CSMD1: variants seen among roughly 807,000 people sequenced by gnomAD.
The protein encoded by CSMD1 is CUB and sushi domain-containing protein 1.
A neutral mutation model predicts 417.5 loss-of-function variants in CSMD1; 213 were observed. The ratio of observed to expected loss-of-function variants is 0.51; its 90% confidence interval spans 0.46 to 0.57. The LOEUF (loss-of-function observed/expected upper bound fraction) is 0.57. Among genes scored for constraint, CSMD1 ranks in the 20% least tolerant of loss-of-function variants. The pLI is 0.00. For missense variants in CSMD1, 6,923 were observed against 4,529.7 expected (o/e 1.53, Z -15.17); for synonymous variants, 2,862 against 1,736.8 (o/e 1.65, Z -16.11).
At chr8:3,103,116 AAAAGTT>A (rs921993940) in intron 46 of CSMD1, among the ~76,000 whole-genome samples, 1 of 152,206 alleles carries the variant, frequency 6.6e-6, no homozygotes, top group African/African-American at 2.4e-5. Context: ...GTAGATTTTA[AAAAGTT>A]AATCACTTAT....
chr8:3,532,902 A>G (rs1018912320), intron 10 of CSMD1, among the ~76,000 whole-genome samples: 3 of 152,340 alleles, frequency 2.0e-5, no homozygotes, highest in South Asian at 2.1e-4. Flanking sequence ...ATAGTAAATC[A>G]TTACTAAATA....
chr8:4,321,779 C>T (rs550097533), intron 3 of CSMD1, among the ~76,000 whole-genome samples: 1 of 152,184 alleles, frequency 6.6e-6, no homozygotes, highest in South Asian at 2.1e-4. Context: ...TGAAAATTTA[C>T]AATTTTTTTT....
chr8:4,266,463 G>C lies in CSMD1; in HGVS notation c.415+153490C>G, dbSNP rs1368529530. ...GGTTATATTGATGATTGGTTAGATA[G>C]AAGCCAAGGATAAAATTTATAACTC... is the stretch of plus-strand genomic sequence containing the variant. On this transcript the variant is annotated intron_variant, in intron 3 of 69. Transcript: ENST00000635120. 8.6e-5 allele frequency among the ~76,000 whole-genome samples: 9 copies of C among 104,268 alleles called. 2 individuals are homozygous for C. The highest frequency in any genetic ancestry group is 2.4e-4 in the African/African-American group (9 of 38,174). 68.4% of individuals were successfully genotyped at this position (104,268 alleles called of 152,430 possible). A position where few individuals can be genotyped will look rare whatever the true frequency, so the allele number is the denominator to read the frequency against.
At chr8:3,112,037 G>A (rs1324368375) in intron 42 of CSMD1, among the ~76,000 whole-genome samples, 5 of 151,640 alleles carry the variant, frequency 3.3e-5, no homozygotes, top group African/African-American at 1.2e-4. Flanking sequence ...TTTCCTGCTT[G>A]CTCCGGCTCT....
Position 4,314,516 on chromosome 8 carries a change from C to T in CSMD1, c.415+105437G>A, listed in dbSNP as rs533477626. ...CTAAGCAGTCTGGACTTTGCTAATG[C>T]CTTGGGATTTCTCCCGAAATACTAA... On this transcript the variant is annotated intron_variant, in intron 3 of 69. Transcript: ENST00000635120. Among the ~76,000 whole-genome samples the T allele has an allele frequency of 1.2e-4, 18 of 152,214 alleles. No individual in the cohort carries two copies. In the South Asian group the frequency reaches 3.7e-3, roughly 32 times the overall value.
chr8:3,611,659 G>T (rs184336345), intron 8 of CSMD1, among the ~76,000 whole-genome samples: 1 of 152,182 alleles, frequency 6.6e-6, no homozygotes, highest in East Asian at 1.9e-4. Flanking sequence ...ATCATCATGA[G>T]TTTGACAGTT....
intron 3 of CSMD1, among the ~76,000 whole-genome samples, chr8:4,074,533 A>G (rs1799722956): frequency 6.6e-6 from 1 of 152,138 alleles, no homozygotes; most frequent in African/African-American, 2.4e-5. Flanking sequence ...TGAGAACATG[A>G]GCTACCATAA....
At chr8:3,973,399 C>G (rs1011946468) in intron 5 of CSMD1, among the ~76,000 whole-genome samples, 15 of 152,186 alleles carry the variant, frequency 9.9e-5, no homozygotes, top group African/African-American at 3.4e-4. Context: ...CTGTTGTCAC[C>G]TGTCACACCC....
At position 3,452,657 on chromosome 8, in the gene CSMD1, G is replaced by C. The variant is rs923891701; in HGVS notation, c.1561+16055C>G. On this transcript the variant is annotated intron_variant, in intron 12 of 69. Coordinates refer to ENST00000635120, the MANE Select transcript of CSMD1 (RefSeq NM_033225.6). ...TATGTTGAATCAGCCTTGCATCCCA[G>C]GGATGAAACCCACTTGATCATGGTG... Among the ~76,000 whole-genome samples, 4 of 152,280 alleles carry C rather than the reference G, an allele frequency of 2.6e-5. No individual in the cohort carries two copies. In the East Asian group the frequency reaches 5.8e-4, roughly 22 times the overall value.
At chr8:4,154,118 C>T (rs902417333) in intron 3 of CSMD1, among the ~76,000 whole-genome samples, 1 of 152,170 alleles carries the variant, frequency 6.6e-6, no homozygotes, top group Non-Finnish European at 1.5e-5. Flanking sequence ...AGTCTGGCTT[C>T]ACAATCTGCG....
At chr8:3,925,129 G>C (rs1008139155) in intron 5 of CSMD1, among the ~76,000 whole-genome samples, 1 of 152,160 alleles carries the variant, frequency 6.6e-6, no homozygotes, top group Non-Finnish European at 1.5e-5. Context: ...GCCTGAGGCA[G>C]AGCCACCCAG....
intron 1 of CSMD1, among the ~76,000 whole-genome samples, chr8:4,655,667 G>C (rs1196080080): frequency 2.0e-5 from 3 of 152,064 alleles, no homozygotes; most frequent in African/African-American, 7.3e-5. Flanking sequence ...TAGATGAAAA[G>C]TCAATATAAT....
intron 3 of CSMD1, among the ~76,000 whole-genome samples, chr8:4,348,109 A>G (rs1800878428): frequency 6.6e-6 from 1 of 152,194 alleles, no homozygotes; most frequent in Non-Finnish European, 1.5e-5. Flanking sequence ...ATGCTTGGCT[A>G]ACTACCAGTT....
rs911715717 is a variant in CSMD1 at position 3,000,211 on chromosome 8, G to C, written c.8030-80C>G. On this transcript the variant is annotated intron_variant, in intron 52 of 69. Transcript: ENST00000635120. The stretch of plus-strand genomic sequence containing the variant: ...GTACATTCACAACTTTTATTATCAA[G>C]TCAATAACAGTATTGAAGGCGCAAC... 3 of 973,926 alleles carry C rather than the reference G, an allele frequency of 3.1e-6. No homozygotes were observed. In the Admixed American group the frequency reaches 8.5e-5, roughly 28 times the overall value. The allele number at this position is 973,926 out of a possible 1,614,324, so 60.3% of individuals were successfully genotyped here. A position where few individuals can be genotyped will look rare whatever the true frequency, so the allele number is the denominator to read the frequency against.
chr8:4,845,172 G>C (rs1293415712), intron 1 of CSMD1, among the ~76,000 whole-genome samples: 1 of 152,114 alleles, frequency 6.6e-6, no homozygotes, highest in African/African-American at 2.4e-5. Context: ...CTTATGAGAA[G>C]TAGAGTATAA....
chr8:4,102,542 A>G (rs1478534150), intron 3 of CSMD1, among the ~76,000 whole-genome samples: 1 of 152,004 alleles, frequency 6.6e-6, no homozygotes, highest in Non-Finnish European at 1.5e-5. Context: ...GGTCACTGAA[A>G]TGTCAGCTTA....
chr8:4,837,176 G>C (rs575052266), intron 1 of CSMD1, among the ~76,000 whole-genome samples: 3 of 152,224 alleles, frequency 2.0e-5, no homozygotes, highest in Non-Finnish European at 4.4e-5. Flanking sequence ...ATGCGGGTGA[G>C]GATGGGGAGA....
At chr8:4,297,379 G>C (rs77666555) in intron 3 of CSMD1, among the ~76,000 whole-genome samples, 1 of 151,974 alleles carries the variant, frequency 6.6e-6, no homozygotes, top group South Asian at 2.1e-4. Context: ...CAGACGTTCA[G>C]CGTACTGTAA....
chr8:4,458,794 A>AT (rs34057291), intron 2 of CSMD1, among the ~76,000 whole-genome samples: 3,091 of 152,176 alleles, frequency 0.02, 91 homozygotes, highest in African/African-American at 0.068. Context: ...GGAATATTTA[A>AT]TTTTTTTTAA....
Sources: gnomAD v4.1 joint callset for allele counts (sites outside exome capture counted in the v4.1 genomes callset) on GRCh38, gnomAD v4.1.1 for gene constraint, MANE v1.5 for transcripts, NCBI Gene and HGNC (gene_info 2026-07-23, HGNC 2026-07-21) for gene names.